Variants in RFTN1 observed in about 807,000 individuals in gnomAD.
RFTN1 encodes raftlin, lipid raft linker 1.
In RFTN1, 26 loss-of-function variants were observed where a neutral mutation model predicts 46.5. That is an observed-to-expected ratio of 0.56 (90% CI 0.41 to 0.78). The LOEUF (loss-of-function observed/expected upper bound fraction) is 0.78, where lower values mean the gene tolerates loss of function less well. Among genes scored for constraint, RFTN1 ranks in the 30% least tolerant of loss-of-function variants. The pLI is 0.00. For synonymous variants in RFTN1, 261 were observed against 284.2 expected, an observed-to-expected ratio of 0.92 and a Z score of 0.82; for missense variants, 693 against 718.7, an observed-to-expected ratio of 0.96 and a Z score of 0.41.
rs778677280 is a variant in RFTN1 at position 16,500,724 on chromosome 3, T to C, written c.-8-6847A>G. The stretch of plus-strand genomic sequence containing the variant: ...TCTCTTTGGTAAGCGGTGGATCAGC[T>C]TCTTACAGGAGCTATCAGTTCCATG... On this transcript the variant is annotated intron_variant, in intron 1 of 9. Transcript: ENST00000334133. The surrounding 1 kb of genome is among the most constrained non-coding windows in gnomAD (Gnocchi z 5.9). Among the ~76,000 whole-genome samples the C allele has an allele frequency of 6.6e-6, 1 of 152,216 alleles. No homozygotes were observed. Among genetic ancestry groups the C allele is most frequent in the Admixed American group, 6.5e-5 (1 of 15,286 alleles).
Position 16,427,403 on chromosome 3 carries a change from G to T in RFTN1, c.332+6448C>A, listed in dbSNP as rs1198328490. On this transcript the variant is annotated intron_variant, in intron 3 of 9. Transcript: ENST00000334133. The surrounding 1 kb of genome is among the most constrained non-coding windows in gnomAD (Gnocchi z 5.4). ...TCAAGAGGAGAAACAAAGGGTAAGGGATGAGCATTCTCTGAGATTTACTTT... is the reference window on the plus strand; with the variant it reads ...TCAAGAGGAGAAACAAAGGGTAAGGTATGAGCATTCTCTGAGATTTACTTT... Among the ~76,000 whole-genome samples, 1 of 152,190 alleles carries T rather than the reference G, an allele frequency of 6.6e-6. No individual in the cohort carries two copies. The highest frequency in any genetic ancestry group is 1.5e-5 in the Non-Finnish European group (1 of 68,040).
chr3:16,491,274 A>T (rs754933597), intron 2 of RFTN1, among the ~76,000 whole-genome samples: 1 of 152,194 alleles, frequency 6.6e-6, no homozygotes, highest in Non-Finnish European at 1.5e-5. Context: ...GCAAAAGCCC[A>T]GAGGAGGCCT....
At chr3:16,358,170 A>G (rs1177140427) in intron 6 of RFTN1, 123 bp from the exon 7 acceptor site, 2 of 640,852 alleles carry the variant, frequency 3.1e-6, no homozygotes, top group Non-Finnish European at 5.6e-6. Flanking sequence ...TCTTTTCAGC[A>G]TGTTAATTAA....
rs1480336834 is a variant in RFTN1 at position 16,424,766 on chromosome 3, T to C, written c.332+9085A>G. Among the ~76,000 whole-genome samples, 2 of 152,186 alleles carry C rather than the reference T, an allele frequency of 1.3e-5. No homozygotes were observed. The highest frequency in any genetic ancestry group is 4.8e-5 in the African/African-American group (2 of 41,456). On this transcript the variant is annotated intron_variant, in intron 3 of 9. Transcript: ENST00000334133. This position sits in a 1 kb window ranked among gnomAD's most constrained non-coding sequence, Gnocchi z 4.7. The stretch of plus-strand genomic sequence containing the variant: ...TTTGGACAGATTTTAGAGACAATCA[T>C]TATATAAAAATCTCATGAACATTTA...
Position 16,498,700 on chromosome 3 carries a change from T to C in RFTN1, c.-8-4823A>G, listed in dbSNP as rs1467463453. Among the ~76,000 whole-genome samples the C allele has an allele frequency of 1.3e-5, 2 of 152,220 alleles. No individual in the cohort carries two copies. Among genetic ancestry groups the C allele is most frequent in the South Asian group, 2.1e-4 (1 of 4,830 alleles). On this transcript the variant is annotated intron_variant, in intron 1 of 9. Transcript: ENST00000334133. This position sits in a 1 kb window ranked among gnomAD's most constrained non-coding sequence, Gnocchi z 5.2. Reference sequence around the variant, plus strand: ...TGTGAATTAGTTCCTCCTACTCTTTTGTGTAGAGGCAGCTAGCCTGCTCCC... The same window carrying C: ...TGTGAATTAGTTCCTCCTACTCTTTCGTGTAGAGGCAGCTAGCCTGCTCCC...
chr3:16,368,027 T>TA (rs1371906589), intron 6 of RFTN1, among the ~76,000 whole-genome samples: 2 of 151,952 alleles, frequency 1.3e-5, no homozygotes, highest in Non-Finnish European at 2.9e-5. Flanking sequence ...GGGAGGAATG[T>TA]AAAACTATGC....
rs149464231 is a variant in RFTN1, at chr3:16,492,877, A to G, written c.145+848T>C. Among the ~76,000 whole-genome samples the G allele has an allele frequency of 4.6e-5, 7 of 152,328 alleles. No homozygotes were observed. In the East Asian group the frequency reaches 7.7e-4, roughly 17 times the overall value. ...ACTGGCCCAACACTCTGCACACAGC[A>G]GGTGCTCAGCAAATGCTCTGATGCT... is the stretch of plus-strand genomic sequence containing the variant. On this transcript the variant is annotated intron_variant, in intron 2 of 9. Coordinates refer to ENST00000334133, the MANE Select transcript of RFTN1 (RefSeq NM_015150.2).
chr3:16,393,101 C>T (rs2074388498), intron 4 of RFTN1, among the ~76,000 whole-genome samples: 1 of 152,010 alleles, frequency 6.6e-6, no homozygotes, highest in Admixed American at 6.6e-5. Flanking sequence ...ACAATACACA[C>T]AATAAGTAAA....
chr3:16,377,852 A>G lies in RFTN1; in HGVS notation c.692T>C (p.Val231Ala), dbSNP rs1359707947. The G allele has an allele frequency of 6.2e-7, 1 of 1,613,442 alleles. No homozygotes were observed. Among genetic ancestry groups the G allele is most frequent in the Non-Finnish European group, 8.5e-7 (1 of 1,179,872 alleles). ...PEPSSGPRGE[V>A]PLAKQPSSPS... ...TGAGCTGGGCTGCTTGGCGAGGGGCACCTCCCCTCTGGGGCCTGAGCTGGG... is the reference window on the plus strand; with the variant it reads ...TGAGCTGGGCTGCTTGGCGAGGGGCGCCTCCCCTCTGGGGCCTGAGCTGGG... Residue 231 changes from valine to alanine, a missense_variant, in exon 5 of 10, where the codon GTG (valine) becomes GCG (alanine). Coordinates refer to ENST00000334133, the MANE Select transcript of RFTN1 (RefSeq NM_015150.2).
chr3:16,430,889 A>G (rs1196973473), intron 3 of RFTN1, among the ~76,000 whole-genome samples: 1 of 152,174 alleles, frequency 6.6e-6, no homozygotes, highest in Non-Finnish European at 1.5e-5. Flanking sequence ...GTCTTCTGGA[A>G]AGTAAGTTCA....
In RFTN1 at chr3:16,422,475, A is replaced by G. The variant is rs986394300; in HGVS notation, c.332+11376T>C. Among the ~76,000 whole-genome samples, 6 of 151,808 alleles carry G rather than the reference A, an allele frequency of 4.0e-5. No individual in the cohort carries two copies. The highest frequency in any genetic ancestry group is 5.9e-5 in the Non-Finnish European group (4 of 67,938). ...GAAACCCCGTTTCTACTAAAAATAC[A>G]AAAAAATTAGCTGGGCGTGGTGGCA... On this transcript the variant is annotated intron_variant, in intron 3 of 9. Coordinates refer to ENST00000334133, the MANE Select transcript of RFTN1 (RefSeq NM_015150.2). This position sits in a 1 kb window ranked among gnomAD's most constrained non-coding sequence, Gnocchi z 4.6.
At chr3:16,501,872 T>C (rs1432662560) in intron 1 of RFTN1, among the ~76,000 whole-genome samples, 1 of 152,210 alleles carries the variant, frequency 6.6e-6, no homozygotes, top group African/African-American at 2.4e-5. Flanking sequence ...AATGTACCCG[T>C]CGAAAGTGTT....
intron 4 of RFTN1, among the ~76,000 whole-genome samples, chr3:16,401,652 A>G (rs1185593131): frequency 2.0e-5 from 3 of 152,228 alleles, no homozygotes; most frequent in African/African-American, 7.2e-5. Flanking sequence ...TTACCAAAGT[A>G]TATCTCTGTT....
chr3:16,472,673 T>C (rs1401113897), intron 2 of RFTN1: 3 of 152,194 alleles, frequency 2.0e-5, no homozygotes, highest in Non-Finnish European at 4.4e-5. Flanking sequence ...GCAGAAACGA[T>C]TCTCAGTTAT....
chr3:16,499,284 G>T lies in RFTN1; in HGVS notation c.-8-5407C>A, dbSNP rs2076672476. ...TCTATGTCAATTACCCTGAATCTGG[G>T]CTCCAGGATGGCTTGACCAATAGAA... On this transcript the variant is annotated intron_variant, in intron 1 of 9. Transcript: ENST00000334133. The surrounding 1 kb of genome is among the most constrained non-coding windows in gnomAD (Gnocchi z 4.9). Among the ~76,000 whole-genome samples the T allele has an allele frequency of 6.6e-6, 1 of 152,182 alleles. No homozygotes were observed. The highest frequency in any genetic ancestry group is 2.4e-5 in the African/African-American group (1 of 41,444).
chr3:16,467,317 A>G (rs987618222), intron 2 of RFTN1, among the ~76,000 whole-genome samples: 1 of 152,254 alleles, frequency 6.6e-6, no homozygotes, highest in East Asian at 1.9e-4. Context: ...TCCCAAGGTC[A>G]ATAACACCTC....
chr3:16,435,329 G>A (rs1383261071), intron 2 of RFTN1, among the ~76,000 whole-genome samples: 1 of 152,188 alleles, frequency 6.6e-6, no homozygotes, highest in Non-Finnish European at 1.5e-5. Context: ...CGCACTTTGG[G>A]AGGCCAAGGT....
At chr3:16,441,856 C>T (rs1364570468) in intron 2 of RFTN1, among the ~76,000 whole-genome samples, 4 of 152,198 alleles carry the variant, frequency 2.6e-5, no homozygotes, top group African/African-American at 9.6e-5. Flanking sequence ...TTCAAGACTG[C>T]TAGTGCCATA....
intron 7 of RFTN1, among the ~76,000 whole-genome samples, chr3:16,332,075 G>A (rs1401939311): frequency 6.6e-6 from 1 of 151,882 alleles, no homozygotes; most frequent in African/African-American, 2.4e-5. Context: ...GGAATTTCAT[G>A]ACAATGTGCT....
Sources: allele counts gnomAD v4.1 joint callset (sites outside exome capture counted in the v4.1 genomes callset), GRCh38; gene constraint gnomAD v4.1.1; non-coding constraint Gnocchi (gnomAD v3.1); transcripts MANE v1.5; gene names NCBI Gene and HGNC (gene_info 2026-07-23, HGNC 2026-07-21).